ZFPM2: variants seen among roughly 807,000 people sequenced by gnomAD.
ZFPM2 encodes zinc finger protein ZFPM2.
In ZFPM2, 20 loss-of-function variants were observed where a neutral mutation model predicts 98.6. That is an observed-to-expected ratio of 0.20 (90% confidence interval 0.14 to 0.29). The LOEUF is 0.29. Ranked by LOEUF, ZFPM2 falls within the 10% of genes least tolerant of loss-of-function variation. The probability of loss-of-function intolerance (pLI) is 1.00; values close to 1 mark genes in which losing one functional copy is unlikely to be tolerated. For missense variants in ZFPM2, 1,310 were observed against 1,388.6 expected, an observed-to-expected ratio of 0.94 and a Z score of 0.90; for synonymous variants, 518 against 502.7, an observed-to-expected ratio of 1.03 and a Z score of -0.41.
chr8:105,739,262 G>A (rs1298407868), intron 5 of ZFPM2, among the ~76,000 whole-genome samples: 2 of 152,036 alleles, frequency 1.3e-5, no homozygotes, highest in East Asian at 3.9e-4. Flanking sequence ...GAATGGTCAA[G>A]TAACAACTTT....
chr8:105,454,186 C>T (rs888916919), intron 3 of ZFPM2, among the ~76,000 whole-genome samples: 1 of 151,714 alleles, frequency 6.6e-6, no homozygotes, highest in Non-Finnish European at 1.5e-5. Flanking sequence ...ACCCCCCACC[C>T]CCATACACAC....
At chr8:105,661,516 C>G (rs761311892) in intron 5 of ZFPM2, among the ~76,000 whole-genome samples, 1 of 151,980 alleles carries the variant, frequency 6.6e-6, no homozygotes, top group Non-Finnish European at 1.5e-5. Flanking sequence ...ATTTACCTGC[C>G]GAAAATAAGG....
At chr8:105,455,265 G>A (rs914404055) in intron 3 of ZFPM2, among the ~76,000 whole-genome samples, 1 of 152,146 alleles carries the variant, frequency 6.6e-6, no homozygotes, top group Non-Finnish European at 1.5e-5. Flanking sequence ...TAAAAGGGTT[G>A]TAAAGTATTT....
At chr8:105,554,680 T>C (rs1269030784) in intron 3 of ZFPM2, among the ~76,000 whole-genome samples, 2 of 152,212 alleles carry the variant, frequency 1.3e-5, no homozygotes, top group East Asian at 3.9e-4. Flanking sequence ...GCAAATGCAA[T>C]ATGATCTTCT....
chr8:105,709,347 C>T (rs533253008), intron 5 of ZFPM2, among the ~76,000 whole-genome samples: 2 of 152,192 alleles, frequency 1.3e-5, no homozygotes, highest in South Asian at 2.1e-4. Flanking sequence ...TATTACTGGC[C>T]TTAGGCATAT....
intron 5 of ZFPM2, among the ~76,000 whole-genome samples, chr8:105,698,530 T>C (rs896570377): frequency 2.0e-5 from 3 of 152,218 alleles, no homozygotes; most frequent in Non-Finnish European, 4.4e-5. Flanking sequence ...AAAAGGAATA[T>C]ATTAATTTGA....
intron 6 of ZFPM2, chr8:105,796,648 C>T (rs1343519412): frequency 2.0e-5 from 3 of 152,186 alleles, no homozygotes; most frequent in Admixed American, 6.5e-5. Context: ...CCATCTCCTT[C>T]ACTACCATGG....
chr8:105,689,699 G>A (rs1232387741), intron 5 of ZFPM2, among the ~76,000 whole-genome samples: 1 of 152,176 alleles, frequency 6.6e-6, no homozygotes, highest in Non-Finnish European at 1.5e-5. Context: ...TGATGATGGT[G>A]ATTGTGATAA....
At chr8:105,494,623 G>A (rs1217877891) in intron 3 of ZFPM2, among the ~76,000 whole-genome samples, 1 of 152,088 alleles carries the variant, frequency 6.6e-6, no homozygotes, top group African/African-American at 2.4e-5. Flanking sequence ...GATTCTCAAA[G>A]TGTGGTCTCC....
chr8:105,391,486 C>A (rs1437801195), intron 1 of ZFPM2, among the ~76,000 whole-genome samples: 1 of 152,200 alleles, frequency 6.6e-6, no homozygotes, highest in East Asian at 1.9e-4. Context: ...AAAGATTTCT[C>A]TGTAGCTTGC....
intron 4 of ZFPM2, among the ~76,000 whole-genome samples, chr8:105,598,837 C>CA (rs149935467): frequency 6.6e-6 from 1 of 151,750 alleles, no homozygotes; most frequent in Non-Finnish European, 1.5e-5. Context: ...TTACTACATA[C>CA]AAAAAAAACT....
intron 5 of ZFPM2, among the ~76,000 whole-genome samples, chr8:105,738,338 A>G (rs1195058297): frequency 2.6e-5 from 4 of 152,028 alleles, no homozygotes; most frequent in Non-Finnish European, 4.4e-5. Flanking sequence ...ATGTTCCTGC[A>G]AAGAACATGA....
rs1190534160 is a variant in ZFPM2 at position 105,634,368 on chromosome 8, G to A, written c.532+11G>A. ...TTGTGTACAGCAAAGGTAAATGCAA[G>A]ATTGTTTCCCTCTCTCTTTGGAAGT... On this transcript the variant is annotated intron_variant, in intron 5 of 7. Coordinates refer to ENST00000407775, the MANE Select transcript of ZFPM2 (RefSeq NM_012082.4). 4 of 1,597,536 alleles carry A rather than the reference G, an allele frequency of 2.5e-6. No homozygotes were observed. Among genetic ancestry groups the A allele is most frequent in the African/African-American group, 1.3e-5 (1 of 74,644 alleles).
intron 4 of ZFPM2, among the ~76,000 whole-genome samples, chr8:105,612,679 T>C (rs1375927168): frequency 2.0e-5 from 3 of 152,212 alleles, no homozygotes; most frequent in African/African-American, 7.2e-5. Context: ...TTCAAATGTC[T>C]AATAATATAT....
intron 3 of ZFPM2, among the ~76,000 whole-genome samples, chr8:105,498,735 CA>C (rs1813527325): frequency 6.6e-6 from 1 of 152,148 alleles, no homozygotes; most frequent in African/African-American, 2.4e-5. Context: ...AGCCTATAAG[CA>C]GTTCATTCCT....
At position 105,749,661 on chromosome 8, in the gene ZFPM2, TG is replaced by T. The variant is rs753147379; in HGVS notation, c.533-39056del. Among the ~76,000 whole-genome samples, 74 of 152,020 alleles carry T rather than the reference TG, an allele frequency of 4.9e-4. 1 individual carries two copies. Among genetic ancestry groups the T allele is most frequent in the Non-Finnish European group, 9.6e-4 (65 of 67,950 alleles). ...AGGTCATAACAAACAAATATTGCTT[TG>T]TTTTTTTTTAAATGGAAGAGAGTAA... is the stretch of plus-strand genomic sequence containing the variant. On this transcript the variant is annotated intron_variant, in intron 5 of 7. Coordinates refer to ENST00000407775, the MANE Select transcript of ZFPM2 (RefSeq NM_012082.4).
chr8:105,355,820 T>C (rs1812731428), intron 1 of ZFPM2, among the ~76,000 whole-genome samples: 1 of 152,200 alleles, frequency 6.6e-6, no homozygotes, highest in Non-Finnish European at 1.5e-5. Flanking sequence ...ATTTTATAAA[T>C]TTCAGGTACG....
chr8:105,580,918 A>G (rs1173884115), intron 4 of ZFPM2, among the ~76,000 whole-genome samples: 1 of 151,522 alleles, frequency 6.6e-6, no homozygotes, highest in African/African-American at 2.4e-5. Flanking sequence ...TTAACTTTAA[A>G]TGTTGTGTCA....
At position 105,798,807 on chromosome 8, in the gene ZFPM2, G is replaced by T. The variant is rs138523492; in HGVS notation, c.823G>T (p.Gly275Trp). Reference sequence around the variant, plus strand: ...GGCCCATTTGATGTACTACTGCAGTGGGAGGCAAAGAGAAGCTGCTCCGGT... The same window carrying T: ...GGCCCATTTGATGTACTACTGCAGTTGGAGGCAAAGAGAAGCTGCTCCGGT... ...LQAHLMYYCS[G>W]RQREAAPVSE... Residue 275 changes from glycine (G) to tryptophan (W), a missense_variant, in exon 7 of 8, where the codon GGG becomes TGG. Physicochemically the swap from Gly to Trp is radical, Grantham distance 184 (BLOSUM62 -2). Coordinates refer to ENST00000407775, the MANE Select transcript of ZFPM2 (RefSeq NM_012082.4). 6.2e-7 allele frequency: 1 copy of T among 1,613,918 alleles called. No homozygotes were observed. The highest frequency in any genetic ancestry group is 1.7e-5 in the Admixed American group (1 of 60,012).
Sources: allele counts gnomAD v4.1 joint callset (sites outside exome capture counted in the v4.1 genomes callset), GRCh38; gene constraint gnomAD v4.1.1; transcripts MANE v1.5; gene names NCBI Gene and HGNC (gene_info 2026-07-23, HGNC 2026-07-21).